SLA: variants seen among roughly 807,000 people sequenced by gnomAD.
SLA encodes src-like-adapter.
Under a neutral mutation model 30.3 loss-of-function variants are expected in SLA, and 16 were observed. That is an observed-to-expected ratio of 0.53 (90% confidence interval 0.36 to 0.80). The LOEUF is 0.80. Ranked by LOEUF, SLA falls within the 30% of genes least tolerant of loss-of-function variation. SLA has a pLI of 0.01. For synonymous variants in SLA, 143 were observed against 137.8 expected (o/e 1.04, Z -0.26); for missense variants, 310 against 345.2 (o/e 0.90, Z 0.81).
At chr8:133,093,345 T>G (rs780159613) in intron 1 of SLA, among the ~76,000 whole-genome samples, 1 of 150,824 alleles carries the variant, frequency 6.6e-6, no homozygotes, top group Non-Finnish European at 1.5e-5. Context: ...ATCCTGGGAG[T>G]TAGGATTCTT....
At chr8:133,091,572 GT>G (rs1406601988) in intron 1 of SLA, among the ~76,000 whole-genome samples, 1 of 152,132 alleles carries the variant, frequency 6.6e-6, no homozygotes, top group Admixed American at 6.5e-5. Flanking sequence ...CTTTGTGTGT[GT>G]GTTTGTGTGT....
chr8:133,056,690 G>A (rs1053466650), intron 3 of SLA, among the ~76,000 whole-genome samples: 5 of 152,178 alleles, frequency 3.3e-5, no homozygotes, highest in South Asian at 4.1e-4. Flanking sequence ...TGTGAGAATC[G>A]AGTCTGCATA....
chr8:133,093,259 T>C (rs559544739), intron 1 of SLA, among the ~76,000 whole-genome samples: 34 of 152,338 alleles, frequency 2.2e-4, no homozygotes, highest in African/African-American at 7.7e-4. Flanking sequence ...ATATTGACGC[T>C]TGTTCCTTGG....
intron 7 of SLA, among the ~76,000 whole-genome samples, chr8:133,042,688 T>C (rs1043954195): frequency 8.3e-6 from 1 of 121,122 alleles, no homozygotes; most frequent in Admixed American, 8.3e-5. Context: ...CTTTTTTTTT[T>C]TTTTTTTTTT....
At chr8:133,060,811 T>A (rs1253459264) in intron 2 of SLA, among the ~76,000 whole-genome samples, 2 of 152,194 alleles carry the variant, frequency 1.3e-5, no homozygotes, top group African/African-American at 4.8e-5. Flanking sequence ...CTTAAGCCCA[T>A]TGTGCAGTGA....
intron 3 of SLA, among the ~76,000 whole-genome samples, chr8:133,055,644 T>C (rs1356893098): frequency 6.6e-6 from 1 of 152,160 alleles, no homozygotes; most frequent in Non-Finnish European, 1.5e-5. Context: ...TCAGGGTCAG[T>C]CTCAACTCTC....
rs549624711 is a variant in SLA at position 133,063,896 on chromosome 8, G to A, written c.-40-3696C>T. On this transcript the variant is annotated intron_variant, in intron 2 of 8. Coordinates refer to ENST00000338087, the MANE Select transcript of SLA (RefSeq NM_001045556.3). ...GAGCTGGAGTCTCTCTAATGAAATG[G>A]CTGAACAATTTGATTTAATCTGTGA... Among the ~76,000 whole-genome samples, 10 of 152,336 alleles carry A rather than the reference G, an allele frequency of 6.6e-5. No individual in the cohort carries two copies. In the East Asian group the frequency reaches 1.5e-3, roughly 23 times the overall value.
intron 3 of SLA, 25 bp from the exon 4 acceptor site, chr8:133,050,940 AG>A: frequency 7.2e-7 from 1 of 1,395,020 alleles, no homozygotes; most frequent in South Asian, 1.2e-5. Context: ...GCAAGGGGGA[AG>A]GGGGCAAGGT....
intron 1 of SLA, among the ~76,000 whole-genome samples, chr8:133,082,769 C>T (rs1845949662): frequency 6.6e-6 from 1 of 152,216 alleles, no homozygotes; most frequent in Non-Finnish European, 1.5e-5. Context: ...ACTTTTATTA[C>T]AGTTTCCTCT....
At chr8:133,049,850 T>C in intron 5 of SLA, 52 bp downstream of exon 5, 1 of 1,157,378 alleles carries the variant, frequency 8.6e-7, no homozygotes, top group South Asian at 1.2e-5. Flanking sequence ...ACCTTATGAG[T>C]CACCAGCATA....
At chr8:133,085,901 C>T (rs1405487187) in intron 1 of SLA, among the ~76,000 whole-genome samples, 1 of 152,110 alleles carries the variant, frequency 6.6e-6, no homozygotes, top group African/African-American at 2.4e-5. Flanking sequence ...AACATGCATC[C>T]CTATAAGAAC....
intron 5 of SLA, 137 bp downstream of exon 5, chr8:133,049,765 C>G: frequency 1.5e-6 from 1 of 677,180 alleles, no homozygotes; most frequent in Non-Finnish European, 2.7e-6. Context: ...TCCTTATTGA[C>G]TGGGTTGGGA....
At chr8:133,070,933 T>C (rs1409351140) in intron 2 of SLA, among the ~76,000 whole-genome samples, 2 of 152,246 alleles carry the variant, frequency 1.3e-5, no homozygotes, top group African/African-American at 4.8e-5. Context: ...TTTATCTCAA[T>C]TGTTTCCCCT....
At chr8:133,059,682 A>G (rs1435369770) in intron 3 of SLA, among the ~76,000 whole-genome samples, 1 of 152,220 alleles carries the variant, frequency 6.6e-6, no homozygotes, top group Non-Finnish European at 1.5e-5. Context: ...GGGGCTAAGT[A>G]TAAGGATGAT....
At chr8:133,095,358 C>G (rs1848249039) in intron 1 of SLA, 1 of 1,120,242 alleles carries the variant, frequency 8.9e-7, no homozygotes, top group East Asian at 2.5e-5. Context: ...TCCCTAGCCC[C>G]TAGAGCTGTG....
chr8:133,088,708 C>T (rs1847005533), intron 1 of SLA, among the ~76,000 whole-genome samples: 1 of 152,214 alleles, frequency 6.6e-6, no homozygotes, highest in Non-Finnish European at 1.5e-5. Flanking sequence ...TCCTACATTT[C>T]AGATTGTCTC....
intron 1 of SLA, among the ~76,000 whole-genome samples, chr8:133,084,763 G>T (rs992529320): frequency 6.6e-6 from 1 of 152,222 alleles, no homozygotes. Flanking sequence ...CCCCACAGGG[G>T]CCTGGGAAGG....
At chr8:133,073,455 C>T (rs1199903368) in intron 2 of SLA, among the ~76,000 whole-genome samples, 1 of 152,104 alleles carries the variant, frequency 6.6e-6, no homozygotes, top group African/African-American at 2.4e-5. Context: ...CTCCACCTCT[C>T]GGGTTCAAGC....
At chr8:133,040,541 C>CGTTAAATGGTTAAATGGTTAAATGGTTA (rs1838022983) in intron 7 of SLA, among the ~76,000 whole-genome samples, 1 of 152,200 alleles carries the variant, frequency 6.6e-6, no homozygotes, top group Non-Finnish European at 1.5e-5. Flanking sequence ...CGCAAATGCC[C>CGTTAAATGGTTAAATGGTTAAATGGTTA]AATCCATTAA....
Sources: allele counts gnomAD v4.1 joint callset (sites outside exome capture counted in the v4.1 genomes callset), GRCh38; gene constraint gnomAD v4.1.1; transcripts MANE v1.5; gene names NCBI Gene and HGNC (gene_info 2026-07-23, HGNC 2026-07-21).